The following RCOR1 variants were observed in gnomAD, a reference collection of about 807,000 sequenced individuals.
RCOR1 encodes REST corepressor.
A neutral mutation model predicts 64.0 loss-of-function variants in RCOR1; 12 were observed. The observed-to-expected ratio is 0.19, with a 90% CI of 0.12 to 0.30. The LOEUF (loss-of-function observed/expected upper bound fraction) is 0.30. Among genes scored for constraint, RCOR1 ranks in the 10% least tolerant of loss-of-function variants. The probability of loss-of-function intolerance (pLI) is 1.00; values close to 1 mark genes in which losing one functional copy is unlikely to be tolerated. For synonymous variants in RCOR1, 279 were observed against 227.2 expected (o/e 1.23, Z -2.05); for missense variants, 502 against 621.2 (o/e 0.81, Z 2.04).
chr14:102,599,303 G>A (rs998693156), intron 2 of RCOR1, among the ~76,000 whole-genome samples: 6 of 151,820 alleles, frequency 4.0e-5, no homozygotes, highest in African/African-American at 1.5e-4. Flanking sequence ...TAGTTTTTTT[G>A]TATTTTTTGT....
intron 2 of RCOR1, among the ~76,000 whole-genome samples, chr14:102,679,730 G>A (rs914363961): frequency 6.6e-6 from 1 of 151,980 alleles, no homozygotes; most frequent in African/African-American, 2.4e-5. Flanking sequence ...CTCCTGCCTC[G>A]GCCTCCCAAA....
At position 102,594,249 on chromosome 14, in the gene RCOR1, A is replaced by G. The variant is rs1405090193; in HGVS notation, c.361+924A>G. Among the ~76,000 whole-genome samples, 3 of 152,228 alleles carry G rather than the reference A, an allele frequency of 2.0e-5. No homozygotes were observed. The East Asian group carries it at 5.8e-4, about 29-fold the overall frequency. On this transcript the variant is annotated intron_variant, in intron 2 of 11. Coordinates refer to ENST00000262241, the MANE Select transcript of RCOR1 (RefSeq NM_015156.4). ...GAAAGAACGTAGGATTTATTTCAGA[A>G]ATAAAATTCAAAAGAGCATCTTGTA...
intron 2 of RCOR1, among the ~76,000 whole-genome samples, chr14:102,634,009 A>C (rs1479516354): frequency 1.3e-5 from 2 of 152,118 alleles, no homozygotes; most frequent in Non-Finnish European, 2.9e-5. Context: ...TGTGTACTCC[A>C]CGTAATTGTG....
intron 2 of RCOR1, among the ~76,000 whole-genome samples, chr14:102,628,842 C>T (rs1023193694): frequency 3.3e-5 from 5 of 152,156 alleles, no homozygotes; most frequent in African/African-American, 1.2e-4. Flanking sequence ...GCGTGAGGCA[C>T]CACGCTCGGC....
chr14:102,607,543 T>C (rs1283978611), intron 2 of RCOR1, among the ~76,000 whole-genome samples: 1 of 151,928 alleles, frequency 6.6e-6, no homozygotes, highest in Non-Finnish European at 1.5e-5. Context: ...GGTCAGGAGT[T>C]TGAGACCAGC....
intron 2 of RCOR1, among the ~76,000 whole-genome samples, chr14:102,664,636 G>A (rs556944510): frequency 1.1e-3 from 174 of 152,188 alleles, no homozygotes; most frequent in African/African-American, 2.4e-3. Flanking sequence ...CAAACTTGTC[G>A]GTCTGGATTG....
At position 102,708,519 on chromosome 14, in the gene RCOR1, A is replaced by T. The variant is rs766205807; in HGVS notation, c.715A>T (p.Thr239Ser). 1.4e-5 allele frequency: 23 copies of T among 1,612,648 alleles called. No individual in the cohort carries two copies. Among genetic ancestry groups the T allele is most frequent in the East Asian group, 4.5e-5 (2 of 44,890 alleles). Reference sequence around the variant, plus strand: ...GAAATTTTACTATTCTTGGAAGAAGACGAGGACTAAAACTAGTGTGATGGA... The same window carrying T: ...GAAATTTTACTATTCTTGGAAGAAGTCGAGGACTAAAACTAGTGTGATGGA... Reference protein sequence around the residue: ...LVKFYYSWKKTRTKTSVMDRH... With the variant: ...LVKFYYSWKKSRTKTSVMDRH... The change falls in exon 6 of 12, where the codon ACG becomes TCG. Residue 239 changes from threonine to serine, a missense_variant. Transcript: ENST00000262241.
intron 2 of RCOR1, among the ~76,000 whole-genome samples, chr14:102,636,090 A>G (rs1000458904): frequency 2.0e-5 from 3 of 151,480 alleles, no homozygotes; most frequent in Non-Finnish European, 4.4e-5. Context: ...CTGCCACCAC[A>G]CCCGGCTAAT....
intron 2 of RCOR1, among the ~76,000 whole-genome samples, chr14:102,613,310 C>T (rs1275475760): frequency 6.6e-6 from 1 of 151,704 alleles, no homozygotes; most frequent in African/African-American, 2.4e-5. Context: ...CCGTGTTGGC[C>T]TGGCTGGTAT....
intron 4 of RCOR1, among the ~76,000 whole-genome samples, chr14:102,706,214 A>G (rs1410540636): frequency 6.6e-6 from 1 of 151,932 alleles, no homozygotes; most frequent in African/African-American, 2.4e-5. Context: ...AAATAGCCAA[A>G]TGACAGAAGT....
At chr14:102,678,591 C>T (rs540226444) in intron 2 of RCOR1, among the ~76,000 whole-genome samples, 1 of 152,128 alleles carries the variant, frequency 6.6e-6, no homozygotes, top group Non-Finnish European at 1.5e-5. Flanking sequence ...TGCTCCCAGC[C>T]TGTGTGCAGG....
chr14:102,667,818 A>G (rs977138478), intron 2 of RCOR1, among the ~76,000 whole-genome samples: 3 of 152,150 alleles, frequency 2.0e-5, no homozygotes, highest in Admixed American at 6.5e-5. Context: ...GTTGGTGACT[A>G]TACAAGTGAT....
chr14:102,655,275 T>G, intron 2 of RCOR1: 2 of 985,254 alleles, frequency 2.0e-6, no homozygotes, highest in Non-Finnish European at 2.4e-6. Flanking sequence ...GAGGCAGTTT[T>G]CTGATTTATT....
intron 2 of RCOR1, among the ~76,000 whole-genome samples, chr14:102,670,304 A>T (rs1895006296): frequency 1.3e-5 from 2 of 152,124 alleles, no homozygotes; most frequent in African/African-American, 4.8e-5. Flanking sequence ...AGTCCTACTG[A>T]TGAGTAATTT....
At chr14:102,640,116 A>G (rs1894336138) in intron 2 of RCOR1, among the ~76,000 whole-genome samples, 2 of 152,122 alleles carry the variant, frequency 1.3e-5, no homozygotes. Flanking sequence ...GAGTGCTGGG[A>G]TGACAGGCGT....
intron 2 of RCOR1, among the ~76,000 whole-genome samples, chr14:102,645,479 C>T (rs1894459641): frequency 6.6e-6 from 1 of 152,152 alleles, no homozygotes. Flanking sequence ...GGACCCTTTT[C>T]CTGTAATGTA....
intron 2 of RCOR1, among the ~76,000 whole-genome samples, chr14:102,640,527 T>C (rs1321471115): frequency 6.6e-6 from 1 of 152,198 alleles, no homozygotes; most frequent in South Asian, 2.1e-4. Context: ...TCTTGTATTT[T>C]GGTTGCAATT....
chr14:102,700,033 A>G (rs1423634804), intron 3 of RCOR1, among the ~76,000 whole-genome samples: 1 of 152,146 alleles, frequency 6.6e-6, no homozygotes, highest in African/African-American at 2.4e-5. Context: ...AATACCAAGC[A>G]CTGGGTCACG....
intron 8 of RCOR1, among the ~76,000 whole-genome samples, chr14:102,719,611 G>T (rs994095227): frequency 7.1e-6 from 1 of 141,198 alleles, no homozygotes; most frequent in Non-Finnish European, 1.6e-5. Context: ...AGTATTCCAT[G>T]GTATATATGC....
Sources: gnomAD v4.1 joint callset for allele counts (sites outside exome capture counted in the v4.1 genomes callset) on GRCh38, gnomAD v4.1.1 for gene constraint, MANE v1.5 for transcripts, NCBI Gene and HGNC (gene_info 2026-07-23, HGNC 2026-07-21) for gene names.